The following CHST4 variants were observed in gnomAD, a reference collection of about 807,000 sequenced individuals.
The protein encoded by CHST4 is carbohydrate sulfotransferase 4.
For synonymous variants in CHST4, 171 were observed against 195.5 expected (o/e 0.87, Z 1.05); for missense variants, 466 against 506.0 (o/e 0.92, Z 0.76).
intron 1 of CHST4, among the ~76,000 whole-genome samples, chr16:71,534,003 C>G (rs2043968070): frequency 6.7e-6 from 1 of 149,348 alleles, no homozygotes; most frequent in Non-Finnish European, 1.5e-5. Flanking sequence ...GATCAGGCCA[C>G]TGCACTTCAG....
At chr16:71,530,199 G>T (rs937063739) in intron 1 of CHST4, among the ~76,000 whole-genome samples, 1 of 151,972 alleles carries the variant, frequency 6.6e-6, no homozygotes, top group Non-Finnish European at 1.5e-5. Flanking sequence ...TCAGGGAGAA[G>T]GCAGGCTCTC....
At chr16:71,531,540 C>A (rs2043948046) in intron 1 of CHST4, among the ~76,000 whole-genome samples, 1 of 152,126 alleles carries the variant, frequency 6.6e-6, no homozygotes, top group South Asian at 2.1e-4. Context: ...GGACAACTAA[C>A]ACCTGGGAAC....
intron 1 of CHST4, among the ~76,000 whole-genome samples, chr16:71,530,478 T>C (rs1187676941): frequency 6.6e-6 from 1 of 152,010 alleles, no homozygotes; most frequent in African/African-American, 2.4e-5. Context: ...TTTAAAAAGA[T>C]ATTTTGGCCA....
At chr16:71,534,689 AAAAT>A in intron 1 of CHST4, among the ~76,000 whole-genome samples, 1 of 152,068 alleles carries the variant, frequency 6.6e-6, no homozygotes. Flanking sequence ...TGTCTCTGCA[AAAAT>A]AAATAAATAA....
At chr16:71,535,233 C>T (rs866279028) in intron 1 of CHST4, among the ~76,000 whole-genome samples, 11 of 152,286 alleles carry the variant, frequency 7.2e-5, no homozygotes, top group South Asian at 2.1e-4. Flanking sequence ...AGTGCAGTGG[C>T]GCGATCTCGG....
intron 1 of CHST4, among the ~76,000 whole-genome samples, chr16:71,529,271 G>T (rs1343671850): frequency 6.6e-6 from 1 of 151,962 alleles, no homozygotes; most frequent in Middle Eastern, 3.2e-3. Context: ...ATTAATGCAT[G>T]CTTGGTATAG....
intron 1 of CHST4, among the ~76,000 whole-genome samples, chr16:71,530,073 G>A (rs1339848465): frequency 6.6e-6 from 1 of 152,072 alleles, no homozygotes; most frequent in African/African-American, 2.4e-5. Flanking sequence ...AGGAGGCAGA[G>A]GTTGCGGTGA....
intron 1 of CHST4, among the ~76,000 whole-genome samples, chr16:71,532,675 C>G (rs2043957321): frequency 6.6e-6 from 1 of 152,188 alleles, no homozygotes; most frequent in Non-Finnish European, 1.5e-5. Flanking sequence ...TGTGGCTACC[C>G]AATTTCTCTC....
chr16:71,533,950 G>A (rs763955055), intron 1 of CHST4, among the ~76,000 whole-genome samples: 6 of 151,914 alleles, frequency 3.9e-5, no homozygotes, highest in African/African-American at 7.3e-5. Flanking sequence ...GCTGAGGCAG[G>A]GGAATCACTT....
chr16:71,534,878 G>T (rs2043976060), intron 1 of CHST4, among the ~76,000 whole-genome samples: 1 of 152,002 alleles, frequency 6.6e-6, no homozygotes, highest in African/African-American at 2.4e-5. Context: ...CTACTACTAT[G>T]AATATTTTAC....
In CHST4 at chr16:71,537,283, C is replaced by G; in HGVS notation, c.606C>G (p.His202Gln). 1 of 1,614,188 alleles carries G rather than the reference C, an allele frequency of 6.2e-7. No homozygotes were observed. The change falls in exon 2 of 2, where the codon CAC (histidine) becomes CAG (glutamine). Residue 202 changes from histidine (H) to glutamine (Q), a missense_variant. Coordinates refer to ENST00000539698, the MANE Select transcript of CHST4 (RefSeq NM_001166395.2). This position sits in a 1 kb window ranked among gnomAD's most constrained non-coding sequence, Gnocchi z 4.2. ...KDPSLNLHIV[H>Q]LVRDPRAVFR... ...CCTCCCTCAACCTGCATATCGTGCA[C>G]CTGGTCCGGGACCCCCGGGCCGTGT... is the stretch of plus-strand genomic sequence containing the variant.
chr16:71,536,752 C>T lies in CHST4; in HGVS notation c.75C>T (p.His25=). 6.0e-6 allele frequency: 9 copies of T among 1,507,962 alleles called. No individual in the cohort carries two copies. The highest frequency in any genetic ancestry group is 8.0e-6 in the Non-Finnish European group (9 of 1,129,398). The allele number at this position is 1,507,962 out of a possible 1,614,324, so 93.4% of individuals were successfully genotyped here. The change falls in exon 2 of 2, where the codon CAC becomes CAT. Residue 25 remains histidine, a synonymous_variant. Coordinates refer to ENST00000539698, the MANE Select transcript of CHST4 (RefSeq NM_001166395.2). ...SQMAILALFF[H]MYSHNISSLS... ...TGGCCATCTTGGCTCTATTCTTCCA[C>T]ATGTACAGCCACAACATCAGCTCCC...
In CHST4 at chr16:71,537,554, T is replaced by C. The variant is rs909489388; in HGVS notation, c.877T>C (p.Phe293Leu). 5.6e-6 allele frequency: 9 copies of C among 1,614,152 alleles called. No homozygotes were observed. The highest frequency in any genetic ancestry group is 7.6e-6 in the Non-Finnish European group (9 of 1,180,026). The change falls in exon 2 of 2, where the codon TTC becomes CTC. Residue 293 changes from phenylalanine (F) to leucine (L), a missense_variant. Phe to Leu is a conservative substitution (Grantham distance 22). Transcript: ENST00000539698. This position sits in a 1 kb window ranked among gnomAD's most constrained non-coding sequence, Gnocchi z 4.2. ...PVAQTSRMYEFVGLEFLPHLQ... is the reference protein window; with the variant it reads ...PVAQTSRMYELVGLEFLPHLQ... ...GGCCCAGACTTCCCGAATGTATGAA[T>C]TCGTGGGATTGGAATTCTTGCCCCA...
chr16:71,532,838 A>G (rs1209157189), intron 1 of CHST4, among the ~76,000 whole-genome samples: 1 of 152,196 alleles, frequency 6.6e-6, no homozygotes, highest in Non-Finnish European at 1.5e-5. Context: ...AAATGGCAAA[A>G]GATTGGAAAC....
intron 1 of CHST4, 98 bp from the exon 2 acceptor site, chr16:71,536,562 T>A: frequency 1.3e-6 from 1 of 789,704 alleles, no homozygotes; most frequent in Non-Finnish European, 1.8e-6. Flanking sequence ...TGCTCCTTGG[T>A]AGGGGGTCAG....
chr16:71,532,117 G>A (rs1323939167), intron 1 of CHST4, among the ~76,000 whole-genome samples: 2 of 145,388 alleles, frequency 1.4e-5, no homozygotes, highest in Non-Finnish European at 3.0e-5. Context: ...GCGCGATCTC[G>A]GCTCACTGCA....
At chr16:71,534,148 G>A (rs1482156026) in intron 1 of CHST4, among the ~76,000 whole-genome samples, 1 of 151,900 alleles carries the variant, frequency 6.6e-6, no homozygotes, top group Non-Finnish European at 1.5e-5. Context: ...CCTGCATACA[G>A]AATCTGAGAA....
chr16:71,536,180 G>A (rs1253827326), intron 1 of CHST4, among the ~76,000 whole-genome samples: 1 of 152,108 alleles, frequency 6.6e-6, no homozygotes, highest in Non-Finnish European at 1.5e-5. Flanking sequence ...TATGATGGAG[G>A]GATGGCTAAG....
Position 71,537,830 on chromosome 16 carries a change from A to G in CHST4, c.1153A>G (p.Ile385Val), listed in dbSNP as rs1405864772. ...LLSTWTVPEQIH is the reference protein window; with the variant it reads ...LLSTWTVPEQVH ...GTCTACCTGGACTGTCCCTGAGCAA[A>G]TCCACTAAGAGGGTTGAGAAGGCTT... is the stretch of plus-strand genomic sequence containing the variant. The change falls in exon 2 of 2, where the codon ATC becomes GTC. Residue 385 changes from isoleucine to valine, a missense_variant. By Grantham distance (29) the Ile-to-Val change is conservative. Transcript: ENST00000539698. The surrounding 1 kb of genome is among the most constrained non-coding windows in gnomAD (Gnocchi z 4.2). The G allele has an allele frequency of 6.2e-7, 1 of 1,609,452 alleles. No individual in the cohort carries two copies. The highest frequency in any genetic ancestry group is 8.5e-7 in the Non-Finnish European group (1 of 1,178,106).
Sources: allele counts gnomAD v4.1 joint callset (sites outside exome capture counted in the v4.1 genomes callset), GRCh38; gene constraint gnomAD v4.1.1; non-coding constraint Gnocchi (gnomAD v3.1); transcripts MANE v1.5; gene names NCBI Gene and HGNC (gene_info 2026-07-23, HGNC 2026-07-21).